SNTA1: variants seen among roughly 807,000 people sequenced by gnomAD.
SNTA1 encodes the protein alpha-1-syntrophin.
Under a neutral mutation model 47.1 loss-of-function variants are expected in SNTA1, and 31 were observed. That is an observed-to-expected ratio of 0.66 (90% CI 0.49 to 0.89). The LOEUF is 0.89. SNTA1 is among the 40% of genes least tolerant of loss of function. The pLI is 0.00. For missense variants in SNTA1, 575 were observed against 693.0 expected (o/e 0.83, Z 1.91); for synonymous variants, 300 against 313.6 (o/e 0.96, Z 0.46).
At chr20:33,437,106 T>TA (rs1232797611) in intron 2 of SNTA1, among the ~76,000 whole-genome samples, 2 of 148,926 alleles carry the variant, frequency 1.3e-5, no homozygotes, top group Non-Finnish European at 3.0e-5. Context: ...CTACTAAAAA[T>TA]AAAAAAATTA....
At chr20:33,428,195 C>G (rs1469991149) in intron 2 of SNTA1, among the ~76,000 whole-genome samples, 2 of 151,992 alleles carry the variant, frequency 1.3e-5, no homozygotes, top group Non-Finnish European at 2.9e-5. Flanking sequence ...ATCACCTGAG[C>G]TCAGTAGTTC....
At chr20:33,434,996 T>G (rs897638294) in intron 2 of SNTA1, among the ~76,000 whole-genome samples, 1 of 144,828 alleles carries the variant, frequency 6.9e-6, no homozygotes, top group Non-Finnish European at 1.5e-5. Context: ...TTTTTTTTTT[T>G]TTTTTTTTTT....
In SNTA1 at chr20:33,417,741, T is replaced by TG. The variant is rs1344235957; in HGVS notation, c.678dup (p.Thr227HisfsTer4). 9 of 1,613,844 alleles carry TG rather than the reference T, an allele frequency of 5.6e-6. No individual in the cohort carries two copies. The highest frequency in any genetic ancestry group is 6.8e-6 in the Non-Finnish European group (8 of 1,179,950). On this transcript the variant is annotated frameshift_variant, in exon 3 of 8. Transcript: ENST00000217381. LOFTEE classifies it high-confidence loss of function. ...TACCTGGGCTCCGGGTCATTGGGGG[T>TG]GCACCTCTTCGAGACATATGCCATC...
intron 6 of SNTA1, among the ~76,000 whole-genome samples, chr20:33,409,821 G>A (rs1195067851): frequency 6.6e-6 from 1 of 152,140 alleles, no homozygotes; most frequent in South Asian, 2.1e-4. Flanking sequence ...AGTAGAGACA[G>A]GGTTTCACCA....
chr20:33,419,072 C>T (rs1989957206), intron 2 of SNTA1, among the ~76,000 whole-genome samples: 2 of 151,810 alleles, frequency 1.3e-5, no homozygotes, highest in African/African-American at 4.8e-5. Context: ...CAAGATTGCG[C>T]ACTCCAGCCT....
intron 2 of SNTA1, 98 bp downstream of exon 2, chr20:33,438,743 C>G: frequency 9.8e-7 from 1 of 1,019,796 alleles, no homozygotes; most frequent in Non-Finnish European, 1.6e-6. Flanking sequence ...CTCCCAGCCC[C>G]CAGTGCTGGG....
rs774320273 is a variant in SNTA1, at chr20:33,410,214, C to T, written c.1158G>A (p.Pro386=). ...VDTHLFSVES[P]QELAAWTRQL... ...GGCGGGTCCAGGCAGCCAGCTCCTGCGGTGACTCCACGCTGAACAGGTGAG... is the reference window on the plus strand; with the variant it reads ...GGCGGGTCCAGGCAGCCAGCTCCTGTGGTGACTCCACGCTGAACAGGTGAG... Residue 386 remains proline (P), a synonymous_variant, in exon 6 of 8, where the codon CCG becomes CCA. Transcript: ENST00000217381. 69 of 1,613,886 alleles carry T rather than the reference C, an allele frequency of 4.3e-5. No homozygotes were observed. Among genetic ancestry groups the T allele is most frequent in the Non-Finnish European group, 5.0e-5 (59 of 1,180,002 alleles).
intron 2 of SNTA1, among the ~76,000 whole-genome samples, chr20:33,434,582 G>T (rs1410254203): frequency 2.0e-5 from 3 of 152,128 alleles, no homozygotes; most frequent in Non-Finnish European, 2.9e-5. Context: ...CTTCTCTACT[G>T]CATCTGTAGT....
At position 33,436,983 on chromosome 20, in the gene SNTA1, A is replaced by C. The variant is rs182543207; in HGVS notation, c.496+1858T>G. Among the ~76,000 whole-genome samples, 13 of 124,552 alleles carry C rather than the reference A, an allele frequency of 1.0e-4. No individual in the cohort carries two copies. The East Asian group carries it at 2.7e-3, about 26-fold the overall frequency. 81.7% of individuals were successfully genotyped at this position (124,552 alleles called of 152,430 possible). A position where few individuals can be genotyped will look rare whatever the true frequency, so the allele number is the denominator to read the frequency against. On this transcript the variant is annotated intron_variant, in intron 2 of 7. Coordinates refer to ENST00000217381, the MANE Select transcript of SNTA1 (RefSeq NM_003098.3). ...CATCTCAAAAAAAAAAAAAAAAAAA[A>C]GCTAGGCGCAGGGGCTCACACCTGT...
chr20:33,438,082 C>T (rs1040399545), intron 2 of SNTA1, among the ~76,000 whole-genome samples: 1 of 152,186 alleles, frequency 6.6e-6, no homozygotes, highest in South Asian at 2.1e-4. Flanking sequence ...GGGTGGATCA[C>T]CTAAGGCCAG....
At chr20:33,440,625 G>A (rs974204360) in intron 1 of SNTA1, among the ~76,000 whole-genome samples, 7 of 150,766 alleles carry the variant, frequency 4.6e-5, no homozygotes, top group Middle Eastern at 3.4e-3. Context: ...CAGCATGGGC[G>A]ACAGAACAAG....
chr20:33,440,764 G>A (rs902603374), intron 1 of SNTA1, among the ~76,000 whole-genome samples: 8 of 152,350 alleles, frequency 5.3e-5, no homozygotes, highest in Admixed American at 2.6e-4. Context: ...ATTGCAGTGA[G>A]CCGAGATCGC....
chr20:33,438,587 G>C (rs755402715), intron 2 of SNTA1, among the ~76,000 whole-genome samples: 2 of 152,200 alleles, frequency 1.3e-5, no homozygotes, highest in Non-Finnish European at 2.9e-5. Context: ...GAAATGAAGT[G>C]ACTTGTCCAG....
At chr20:33,415,726 G>A (rs997735711) in intron 3 of SNTA1, among the ~76,000 whole-genome samples, 1 of 151,728 alleles carries the variant, frequency 6.6e-6, no homozygotes, top group African/African-American at 2.4e-5. Flanking sequence ...AGGAGGCGGA[G>A]GTTGCAGTGA....
intron 3 of SNTA1, among the ~76,000 whole-genome samples, chr20:33,415,093 C>G (rs1989840593): frequency 6.6e-6 from 1 of 151,428 alleles, no homozygotes; most frequent in South Asian, 2.1e-4. Context: ...TGTAGGTACT[C>G]AGGCATGTAC....
chr20:33,422,515 C>T (rs549217258), intron 2 of SNTA1, among the ~76,000 whole-genome samples: 14 of 151,900 alleles, frequency 9.2e-5, no homozygotes, highest in East Asian at 7.7e-4. Flanking sequence ...CAGTAGCTCA[C>T]GCCTGTAGTC....
chr20:33,421,679 G>C (rs954494095), intron 2 of SNTA1, among the ~76,000 whole-genome samples: 16 of 151,550 alleles, frequency 1.1e-4, no homozygotes, highest in African/African-American at 3.9e-4. Flanking sequence ...ACTACAGCCA[G>C]ACATGGTGGC....
intron 2 of SNTA1, among the ~76,000 whole-genome samples, chr20:33,424,039 G>A (rs1047244325): frequency 6.6e-6 from 1 of 152,178 alleles, no homozygotes; most frequent in African/African-American, 2.4e-5. Flanking sequence ...TGACGGCCGG[G>A]CGCGGTGGCT....
chr20:33,442,751 C>G (rs2146813533), intron 1 of SNTA1, among the ~76,000 whole-genome samples: 1 of 152,218 alleles, frequency 6.6e-6, no homozygotes, highest in Admixed American at 6.5e-5. Context: ...GATCAGGAGA[C>G]CCAAATCCAG....
Sources: allele counts gnomAD v4.1 joint callset (sites outside exome capture counted in the v4.1 genomes callset), GRCh38; gene constraint gnomAD v4.1.1; transcripts MANE v1.5; gene names NCBI Gene and HGNC (gene_info 2026-07-23, HGNC 2026-07-21).